Variants in DLGAP2 observed in about 807,000 individuals in gnomAD.
The protein encoded by DLGAP2 is DLG associated protein 2.
In DLGAP2, 26 loss-of-function variants were observed where a neutral mutation model predicts 100.3. The ratio of observed to expected loss-of-function variants is 0.26; its 90% CI spans 0.19 to 0.36. The LOEUF is 0.36. DLGAP2 is among the 10% of genes least tolerant of loss of function. The pLI is 1.00. For missense variants in DLGAP2, 1,858 were observed against 1,453.2 expected (o/e 1.28, Z -4.53); for synonymous variants, 886 against 630.1 (o/e 1.41, Z -6.08).
At chr8:971,387 C>G (rs1800009924) in intron 2 of DLGAP2, among the ~76,000 whole-genome samples, 2 of 152,138 alleles carry the variant, frequency 1.3e-5, no homozygotes, top group African/African-American at 4.8e-5. Flanking sequence ...TTTCTTAGAT[C>G]CCTGGGTAAA....
chr8:1,286,781 C>T (rs1799930804), intron 3 of DLGAP2, among the ~76,000 whole-genome samples: 1 of 152,234 alleles, frequency 6.6e-6, no homozygotes, highest in Non-Finnish European at 1.5e-5. Context: ...ACTACTTCCC[C>T]AGTGTCTCTG....
chr8:1,132,116 G>C (rs775323370), intron 2 of DLGAP2, among the ~76,000 whole-genome samples: 26 of 152,184 alleles, frequency 1.7e-4, no homozygotes, highest in Non-Finnish European at 3.5e-4. Context: ...TTCATTATAT[G>C]TGTTAATTGC....
chr8:1,350,427 G>A (rs1362694107), intron 3 of DLGAP2, among the ~76,000 whole-genome samples: 1 of 92,958 alleles, frequency 1.1e-5, no homozygotes, highest in African/African-American at 4.0e-5. Context: ...GAAAGGCCGC[G>A]CGGGTCCTGA....
intron 6 of DLGAP2, among the ~76,000 whole-genome samples, chr8:1,615,446 A>T (rs543623559): frequency 1.2e-4 from 19 of 152,352 alleles, no homozygotes; most frequent in African/African-American, 4.3e-4. Context: ...GAAAAAACTG[A>T]TGTGCTCAAA....
In DLGAP2 at chr8:1,195,052, C is replaced by T. The variant is rs560139793; in HGVS notation, c.74-63799C>T. 3.3e-5 allele frequency among the ~76,000 whole-genome samples: 5 copies of T among 152,354 alleles called. No individual in the cohort carries two copies. In the South Asian group the frequency reaches 6.2e-4, roughly 19 times the overall value. ...GGGCACACTTTGTTCGTTTCAGAGG[C>T]GTCCGCCCCAGCATGAGTGCTCAAG... is the stretch of plus-strand genomic sequence containing the variant. On this transcript the variant is annotated intron_variant, in intron 2 of 14. Coordinates refer to ENST00000637795, the MANE Select transcript of DLGAP2 (RefSeq NM_001346810.2).
chr8:1,344,191 T>G (rs1801500478), intron 3 of DLGAP2, among the ~76,000 whole-genome samples: 1 of 151,868 alleles, frequency 6.6e-6, no homozygotes. Context: ...CGTGGGTCCG[T>G]GTACTCGGGG....
intron 8 of DLGAP2, among the ~76,000 whole-genome samples, chr8:1,652,578 A>G (rs761801087): frequency 2.6e-4 from 40 of 152,252 alleles, no homozygotes; most frequent in Non-Finnish European, 5.1e-4. Flanking sequence ...CAAGGTAGAG[A>G]ATAAAACCCT....
chr8:1,173,114 C>G (rs549435805), intron 2 of DLGAP2, among the ~76,000 whole-genome samples: 2 of 152,328 alleles, frequency 1.3e-5, no homozygotes, highest in East Asian at 3.9e-4. Flanking sequence ...GGACCCTCAG[C>G]TGCAGGTCTG....
intron 3 of DLGAP2, among the ~76,000 whole-genome samples, chr8:1,274,368 C>T (rs117159995): frequency 6.6e-6 from 1 of 151,974 alleles, no homozygotes; most frequent in South Asian, 2.1e-4. Flanking sequence ...AGAAAATAAA[C>T]CATAAAATAA....
chr8:1,431,881 C>G (rs1241857364), intron 3 of DLGAP2, among the ~76,000 whole-genome samples: 2 of 152,156 alleles, frequency 1.3e-5, no homozygotes, highest in East Asian at 1.9e-4. Flanking sequence ...GCACCCCATG[C>G]CAGCCAGCAC....
intron 2 of DLGAP2, among the ~76,000 whole-genome samples, chr8:1,053,494 G>T (rs1316745217): frequency 1.3e-5 from 2 of 152,078 alleles, no homozygotes; most frequent in African/African-American, 4.8e-5. Context: ...CGCAGTCTCC[G>T]AGGCCAGGGG....
At chr8:760,983 A>T (rs1189184330) in intron 1 of DLGAP2, among the ~76,000 whole-genome samples, 4 of 152,178 alleles carry the variant, frequency 2.6e-5, no homozygotes, top group Non-Finnish European at 5.9e-5. Context: ...TTCCAGGCTC[A>T]TGGGCATTTT....
At chr8:1,280,939 A>C (rs1469245099) in intron 3 of DLGAP2, among the ~76,000 whole-genome samples, 6 of 152,198 alleles carry the variant, frequency 3.9e-5, no homozygotes, top group African/African-American at 1.2e-4. Context: ...ATCAGAAGCT[A>C]TATGGGGAAT....
intron 2 of DLGAP2, among the ~76,000 whole-genome samples, chr8:965,396 ACACG>A: frequency 1.5e-5 from 1 of 65,320 alleles, no homozygotes; most frequent in Non-Finnish European, 2.8e-5. Context: ...TGTTCATCAC[ACACG>A]CGGCTCCAGA....
intron 3 of DLGAP2, among the ~76,000 whole-genome samples, chr8:1,355,275 G>A (rs924035494): frequency 7.9e-5 from 12 of 152,266 alleles, no homozygotes; most frequent in African/African-American, 2.7e-4. Context: ...GCACCTGTGT[G>A]TTAACAGGCA....
At chr8:1,051,269 C>T (rs140984039) in intron 2 of DLGAP2, among the ~76,000 whole-genome samples, 2 of 152,148 alleles carry the variant, frequency 1.3e-5, no homozygotes, top group African/African-American at 4.8e-5. Flanking sequence ...GGAACCCAGG[C>T]TCTCTGGATG....
At chr8:1,187,334 A>G (rs1389220098) in intron 2 of DLGAP2, among the ~76,000 whole-genome samples, 7 of 130,346 alleles carry the variant, frequency 5.4e-5, no homozygotes, top group Admixed American at 3.0e-4. Flanking sequence ...TCACACGCCC[A>G]GGACCTCTGT....
chr8:1,293,152 T>A (rs1800098129), intron 3 of DLGAP2, among the ~76,000 whole-genome samples: 1 of 152,108 alleles, frequency 6.6e-6, no homozygotes, highest in Admixed American at 6.5e-5. Flanking sequence ...CCTCCCTGTC[T>A]CCCCCTCTCT....
intron 6 of DLGAP2, among the ~76,000 whole-genome samples, chr8:1,590,453 T>A (rs1289598354): frequency 1.3e-5 from 2 of 152,202 alleles, no homozygotes; most frequent in Non-Finnish European, 2.9e-5. Context: ...AGGATGTCAT[T>A]TCTCCAGCTG....
Sources: gnomAD v4.1 joint callset for allele counts (sites outside exome capture counted in the v4.1 genomes callset) on GRCh38, gnomAD v4.1.1 for gene constraint, MANE v1.5 for transcripts, NCBI Gene and HGNC (gene_info 2026-07-23, HGNC 2026-07-21) for gene names.